The following DIMT1 variants were observed in gnomAD, a reference collection of about 807,000 sequenced individuals.
The protein encoded by DIMT1 is DIM1 rRNA methyltransferase and ribosome maturation factor, also known as dimethyladenosine transferase.
Under a neutral mutation model 43.2 loss-of-function variants are expected in DIMT1, and 36 were observed. The ratio of observed to expected loss-of-function variants is 0.83; its 90% CI spans 0.64 to 1.10. The LOEUF (loss-of-function observed/expected upper bound fraction) is 1.10. Among genes scored for constraint, DIMT1 ranks in the 50% least tolerant of loss-of-function variants. DIMT1 has a pLI of 0.00. For synonymous variants in DIMT1, 126 were observed against 130.3 expected (o/e 0.97, Z 0.22); for missense variants, 341 against 385.3 (o/e 0.88, Z 0.96).
chr5:62,390,117 A>G (rs3822487), intron 11 of DIMT1, among the ~76,000 whole-genome samples: 8,523 of 152,172 alleles, frequency 0.056, 324 homozygotes, highest in East Asian at 0.14. Flanking sequence ...AGAACAATCT[A>G]CTCTCATTTT....
At position 62,388,543 on chromosome 5, in the gene DIMT1, T is replaced by C. The variant is rs1742145081; in HGVS notation, c.*467A>G. On this transcript the variant is annotated 3_prime_UTR_variant, in exon 12 of 12. Transcript: ENST00000199320. The stretch of plus-strand genomic sequence containing the variant: ...TAAAAATAATTTAAGAAACAATTGT[T>C]TTACTGTACATGTGAATAACAAGAA... The C allele has an allele frequency of 6.5e-6, 1 of 154,346 alleles. No individual in the cohort carries two copies. The allele number at this position is 154,346 out of a possible 1,614,324, so 9.6% of individuals were successfully genotyped here.
chr5:62,392,292 CT>C (rs1162375082), intron 9 of DIMT1, 58 bp from the exon 10 acceptor site: 10 of 1,448,754 alleles, frequency 6.9e-6, no homozygotes, highest in Non-Finnish European at 7.6e-6. Flanking sequence ...TAATTTCTTA[CT>C]TTTTTAAACT....
intron 2 of DIMT1, among the ~76,000 whole-genome samples, chr5:62,402,655 T>A (rs1387527161): frequency 1.3e-5 from 2 of 152,222 alleles, no homozygotes; most frequent in African/African-American, 4.8e-5. Flanking sequence ...GACCCTTCTT[T>A]CTTTTTTTCT....
chr5:62,394,740 A>G, intron 6 of DIMT1, 133 bp from the exon 7 acceptor site: 1 of 1,308,490 alleles, frequency 7.6e-7, no homozygotes, highest in Non-Finnish European at 1.0e-6. Flanking sequence ...GAACACATTC[A>G]GCCTTTTTTT....
At chr5:62,403,404 A>T in intron 1 of DIMT1, 58 bp from the exon 2 acceptor site, 1 of 1,526,382 alleles carries the variant, frequency 6.6e-7, no homozygotes, top group Non-Finnish European at 9.1e-7. Flanking sequence ...ATTAGGCAGT[A>T]CCAGAGAAGA....
At chr5:62,395,625 A>G (rs1437308604) in intron 6 of DIMT1, among the ~76,000 whole-genome samples, 1 of 152,212 alleles carries the variant, frequency 6.6e-6, no homozygotes, top group African/African-American at 2.4e-5. Flanking sequence ...TAATTTTATA[A>G]CCACTAGTTT....
chr5:62,390,097 A>G (rs1448506145), intron 11 of DIMT1, among the ~76,000 whole-genome samples: 1 of 152,168 alleles, frequency 6.6e-6, no homozygotes. Flanking sequence ...AAGTCAAACC[A>G]ATGACTTTTA....
chr5:62,393,198 A>G (rs1005224660), intron 8 of DIMT1, among the ~76,000 whole-genome samples: 9 of 152,110 alleles, frequency 5.9e-5, no homozygotes, highest in African/African-American at 2.2e-4. Context: ...TTCACTGAAT[A>G]TGTCTTTTCC....
rs991946462 is a variant in DIMT1, at chr5:62,387,482, T to G, written c.*1528A>C. 2.0e-5 allele frequency: 3 copies of G among 152,202 alleles called. No homozygotes were observed. The highest frequency in any genetic ancestry group is 7.2e-5 in the African/African-American group (3 of 41,460). 9.4% of individuals were successfully genotyped at this position (152,202 alleles called of 1,614,324 possible). ...TTTGGAAAGTCTCCTTATAGACAAA[T>G]ATGCTGCCTTACACTATGATGGCTT... On this transcript the variant is annotated 3_prime_UTR_variant, in exon 12 of 12. Coordinates refer to ENST00000199320, the MANE Select transcript of DIMT1 (RefSeq NM_014473.4).
At chr5:62,399,358 C>T (rs1179012555) in intron 3 of DIMT1, among the ~76,000 whole-genome samples, 8 of 152,092 alleles carry the variant, frequency 5.3e-5, no homozygotes, top group African/African-American at 1.4e-4. Context: ...CCCAGCTACT[C>T]GGGAGGCTGA....
At chr5:62,389,135 T>A (rs1269518816) in intron 11 of DIMT1, 83 bp from the exon 12 acceptor site, 1 of 1,199,556 alleles carries the variant, frequency 8.3e-7, no homozygotes, top group African/African-American at 1.5e-5. Context: ...CCATTAATAC[T>A]AAAACATGAA....
At chr5:62,394,698 G>A (rs1390070829) in intron 6 of DIMT1, 91 bp from the exon 7 acceptor site, 2 of 1,558,362 alleles carry the variant, frequency 1.3e-6, no homozygotes, top group South Asian at 1.2e-5. Context: ...GAGAGAAATA[G>A]CAAAGCATTG....
At chr5:62,394,725 T>C (rs1580123442) in intron 6 of DIMT1, 118 bp from the exon 7 acceptor site, 1 of 1,365,166 alleles carries the variant, frequency 7.3e-7, no homozygotes, top group Non-Finnish European at 1.0e-6. Flanking sequence ...GATTATAAGG[T>C]AGGAGAACAC....
At chr5:62,396,108 G>A (rs957473075) in intron 6 of DIMT1, among the ~76,000 whole-genome samples, 1 of 140,792 alleles carries the variant, frequency 7.1e-6, no homozygotes, top group African/African-American at 2.7e-5. Context: ...AAAAAACTGA[G>A]GCTCTGGGGA....
intron 6 of DIMT1, among the ~76,000 whole-genome samples, chr5:62,396,132 A>C: frequency 3.1e-5 from 2 of 63,736 alleles, no homozygotes; most frequent in African/African-American, 8.1e-5. Flanking sequence ...TAGCCATGTC[A>C]CTGCAGGTTT....
intron 3 of DIMT1, among the ~76,000 whole-genome samples, chr5:62,401,065 AT>A (rs1429047563): frequency 6.6e-6 from 1 of 152,172 alleles, no homozygotes; most frequent in Non-Finnish European, 1.5e-5. Context: ...CAGATCTATT[AT>A]CCGCTTTTCT....
intron 10 of DIMT1, 178 bp downstream of exon 10, chr5:62,391,993 A>G (rs1268974997): frequency 6.5e-7 from 1 of 1,542,524 alleles, no homozygotes; most frequent in East Asian, 2.4e-5. Context: ...CACAGGATAC[A>G]CAGCAGCACT....
intron 11 of DIMT1, among the ~76,000 whole-genome samples, chr5:62,389,351 T>A (rs1742184053): frequency 6.6e-6 from 1 of 151,910 alleles, no homozygotes; most frequent in Non-Finnish European, 1.5e-5. Flanking sequence ...CCTGGCATGG[T>A]GGCACATGCC....
At chr5:62,394,102 AC>A in intron 7 of DIMT1, 55 bp from the exon 8 acceptor site, 2 of 1,499,544 alleles carry the variant, frequency 1.3e-6, no homozygotes, top group Non-Finnish European at 9.2e-7. Context: ...TTATTTAGTA[AC>A]CAGATATGCT....
Sources: gnomAD v4.1 joint callset for allele counts (sites outside exome capture counted in the v4.1 genomes callset) on GRCh38, gnomAD v4.1.1 for gene constraint, MANE v1.5 for transcripts, NCBI Gene and HGNC (gene_info 2026-07-23, HGNC 2026-07-21) for gene names.